The following SPOCK3 variants were observed in gnomAD, a reference collection of about 807,000 sequenced individuals.
SPOCK3 encodes testican-3.
SPOCK3 carries 30 observed loss-of-function variants against 56.6 expected under a neutral mutation model. That is an observed-to-expected ratio of 0.53 (90% confidence interval 0.40 to 0.72). The LOEUF (loss-of-function observed/expected upper bound fraction) is 0.72, where lower values mean the gene tolerates loss of function less well. Among genes scored for constraint, SPOCK3 ranks in the 30% least tolerant of loss-of-function variants. The probability of loss-of-function intolerance (pLI) is 0.00; values close to 1 mark genes in which losing one functional copy is unlikely to be tolerated. For missense variants in SPOCK3, 527 were observed against 530.0 expected (o/e 0.99, Z 0.06); for synonymous variants, 196 against 183.3 (o/e 1.07, Z -0.56).
intron 4 of SPOCK3, among the ~76,000 whole-genome samples, chr4:166,969,931 G>T (rs529148450): frequency 6.6e-6 from 1 of 151,974 alleles, no homozygotes; most frequent in South Asian, 2.1e-4. Flanking sequence ...TGATAAAAAT[G>T]CATTATGTTT....
intron 2 of SPOCK3, among the ~76,000 whole-genome samples, chr4:167,137,034 G>A (rs971739303): frequency 6.6e-6 from 1 of 151,972 alleles, no homozygotes; most frequent in Non-Finnish European, 1.5e-5. Context: ...TAATTCTGGG[G>A]TAATAGCTAC....
intron 2 of SPOCK3, among the ~76,000 whole-genome samples, chr4:167,130,936 G>A (rs114134781): frequency 0.015 from 2,229 of 152,082 alleles, 61 homozygotes; most frequent in African/African-American, 0.05. Flanking sequence ...GCTTAGAGAT[G>A]TCATTCATAT....
chr4:166,979,372 A>G (rs1051905525), intron 4 of SPOCK3, among the ~76,000 whole-genome samples: 1 of 152,142 alleles, frequency 6.6e-6, no homozygotes, highest in African/African-American at 2.4e-5. Flanking sequence ...CAACCCTACA[A>G]TAAACCAACA....
At chr4:167,223,145 T>C in intron 2 of SPOCK3, among the ~76,000 whole-genome samples, 1 of 121,538 alleles carries the variant, frequency 8.2e-6, no homozygotes, top group South Asian at 2.3e-4. Flanking sequence ...ATATTTTATA[T>C]ATGAATATAT....
chr4:167,142,168 T>C (rs1045858296), intron 2 of SPOCK3, among the ~76,000 whole-genome samples: 2 of 152,038 alleles, frequency 1.3e-5, no homozygotes, highest in African/African-American at 4.8e-5. Flanking sequence ...CAGACTCTTC[T>C]TCAGGGGACT....
At chr4:166,797,379 T>C (rs1332808742) in intron 6 of SPOCK3, among the ~76,000 whole-genome samples, 1 of 150,590 alleles carries the variant, frequency 6.6e-6, no homozygotes, top group Non-Finnish European at 1.5e-5. Flanking sequence ...CATGTTCAGA[T>C]AAACCTGGCT....
intron 3 of SPOCK3, among the ~76,000 whole-genome samples, chr4:167,058,579 G>C (rs958188626): frequency 1.3e-5 from 2 of 152,080 alleles, no homozygotes; most frequent in Non-Finnish European, 2.9e-5. Context: ...TACTGCCCAA[G>C]GTAATTTATA....
intron 4 of SPOCK3, among the ~76,000 whole-genome samples, chr4:166,929,905 G>C (rs1739540090): frequency 6.6e-6 from 1 of 151,254 alleles, no homozygotes; most frequent in Admixed American, 6.6e-5. Flanking sequence ...TCAATTAAAA[G>C]TTATAATAAC....
At chr4:166,869,132 A>G (rs1314879200) in intron 6 of SPOCK3, among the ~76,000 whole-genome samples, 1 of 137,046 alleles carries the variant, frequency 7.3e-6, no homozygotes, top group African/African-American at 2.5e-5. Context: ...GCAACCACAG[A>G]CAAATGCCTG....
intron 6 of SPOCK3, among the ~76,000 whole-genome samples, chr4:166,837,177 T>C (rs928613221): frequency 1.3e-5 from 2 of 152,338 alleles, no homozygotes; most frequent in South Asian, 4.1e-4. Context: ...GGGAAGTCTT[T>C]AAGATTCTTG....
At chr4:166,773,167 C>A (rs1739151926) in intron 7 of SPOCK3, among the ~76,000 whole-genome samples, 1 of 152,108 alleles carries the variant, frequency 6.6e-6, no homozygotes, top group Admixed American at 6.6e-5. Flanking sequence ...AGGGTCTCCT[C>A]TATTCATTAT....
At position 167,205,496 on chromosome 4, in the gene SPOCK3, A is replaced by ATTATATAATATATATT. The variant is rs1491465580; in HGVS notation, c.189+28488_189+28489insAATATATATTATATAA. Among the ~76,000 whole-genome samples the ATTATATAATATATATT allele has an allele frequency of 8.7e-4, 49 of 56,494 alleles. 1 individual carries two copies. The highest frequency in any genetic ancestry group is 1.3e-3 in the Non-Finnish European group (44 of 33,612). 37.1% of individuals were successfully genotyped at this position (56,494 alleles called of 152,430 possible). Reference sequence around the variant, plus strand: ...ATTTTATATATAATATATAATATATAATATATATTATATAATATATATTAT... The same window carrying ATTATATAATATATATT: ...ATTTTATATATAATATATAATATATATTATATAATATATATTATATATATTATATAATATATATTAT... On this transcript the variant is annotated intron_variant, in intron 2 of 10. Transcript: ENST00000357545.
intron 4 of SPOCK3, among the ~76,000 whole-genome samples, chr4:166,998,771 G>GT (rs1748654666): frequency 6.6e-6 from 1 of 152,082 alleles, no homozygotes; most frequent in South Asian, 2.1e-4. Context: ...TGATAAAACA[G>GT]TTTTTTGCTT....
intron 4 of SPOCK3, among the ~76,000 whole-genome samples, chr4:166,985,161 C>A (rs1330890584): frequency 6.6e-6 from 1 of 152,104 alleles, no homozygotes; most frequent in Admixed American, 6.6e-5. Flanking sequence ...GACTTAAACT[C>A]TGGCTTATTT....
chr4:167,187,788 G>T (rs1022975042), intron 2 of SPOCK3, among the ~76,000 whole-genome samples: 1 of 152,094 alleles, frequency 6.6e-6, no homozygotes, highest in African/African-American at 2.4e-5. Context: ...GTTATGTGCA[G>T]TGCTACTTTA....
intron 4 of SPOCK3, among the ~76,000 whole-genome samples, chr4:166,954,734 A>G (rs1233354150): frequency 6.6e-6 from 1 of 152,194 alleles, no homozygotes; most frequent in Non-Finnish European, 1.5e-5. Context: ...ATGGTTTTAA[A>G]TAAACTTCCA....
intron 4 of SPOCK3, among the ~76,000 whole-genome samples, chr4:166,962,520 C>T (rs1744250247): frequency 6.6e-6 from 1 of 151,966 alleles, no homozygotes; most frequent in East Asian, 1.9e-4. Flanking sequence ...CTATAGTTAA[C>T]AAGAATGCCA....
In SPOCK3 at chr4:167,234,076, G is replaced by A. The variant is rs1737471362; in HGVS notation, c.98C>T (p.Ser33Leu). 1 of 1,613,640 alleles carries A rather than the reference G, an allele frequency of 6.2e-7. No individual in the cohort carries two copies. The highest frequency in any genetic ancestry group is 1.1e-5 in the South Asian group (1 of 91,068). Residue 33 changes from serine (S) to leucine (L), a missense_variant, in exon 2 of 11, where the codon TCG becomes TTG. Coordinates refer to ENST00000357545, the MANE Select transcript of SPOCK3 (RefSeq NM_001040159.2). ...AAAVAAAGGRSDGGNFLDDKQ... is the reference protein window; with the variant it reads ...AAAVAAAGGRLDGGNFLDDKQ... The stretch of plus-strand genomic sequence containing the variant: ...ATCATCCAGAAAATTACCGCCGTCC[G>A]ACCGCCCCCCGGCTGCAGCCACCGC...
At chr4:167,142,618 C>T (rs550804972) in intron 2 of SPOCK3, among the ~76,000 whole-genome samples, 134 of 151,974 alleles carry the variant, frequency 8.8e-4, no homozygotes, top group Admixed American at 3.5e-3. Context: ...GAAATCACAC[C>T]TTCTGTTGAC....
Sources: allele counts gnomAD v4.1 joint callset (sites outside exome capture counted in the v4.1 genomes callset), GRCh38; gene constraint gnomAD v4.1.1; transcripts MANE v1.5; gene names NCBI Gene and HGNC (gene_info 2026-07-23, HGNC 2026-07-21).